The following DBH variants were observed in gnomAD, a reference collection of about 807,000 sequenced individuals.
DBH encodes dopamine beta-hydroxylase (dopamine beta-monooxygenase).
A neutral mutation model predicts 64.0 loss-of-function variants in DBH; 49 were observed. The observed-to-expected ratio is 0.77, with a 90% CI of 0.61 to 0.97. DBH has a LOEUF of 0.97. Ranked by LOEUF, DBH falls within the 50% of genes least tolerant of loss-of-function variation. The pLI, the probability that DBH is intolerant of heterozygous loss-of-function variation, is 0.00. For missense variants in DBH, 828 were observed against 826.6 expected (o/e 1.00, Z -0.02); for synonymous variants, 343 against 347.1 (o/e 0.99, Z 0.13).
intron 10 of DBH, 150 bp downstream of exon 10, chr9:133,656,800 T>C (rs1408902543): frequency 3.6e-6 from 4 of 1,124,458 alleles, no homozygotes; most frequent in Non-Finnish European, 5.1e-6. Context: ...CCCTCACTCG[T>C]TTCCTGCTGA....
intron 5 of DBH, among the ~76,000 whole-genome samples, chr9:133,646,826 C>T (rs1832187660): frequency 6.6e-6 from 1 of 152,162 alleles, no homozygotes; most frequent in Admixed American, 6.5e-5. Context: ...TGCCCGGCCC[C>T]CTGGACCTCT....
chr9:133,639,942 C>T lies in DBH; in HGVS notation c.436C>T (p.Leu146Phe). The T allele has an allele frequency of 6.2e-7, 1 of 1,613,890 alleles. No homozygotes were observed. Among genetic ancestry groups the T allele is most frequent in the Non-Finnish European group, 8.5e-7 (1 of 1,179,962 alleles). The change falls in exon 2 of 12, where the codon CTT (leucine) becomes TTT (phenylalanine). Residue 146 changes from leucine to phenylalanine, a missense_variant. Coordinates refer to ENST00000393056, the MANE Select transcript of DBH (RefSeq NM_000787.4). Reference protein sequence around the residue: ...VQRTPEGLTLLFKRPFGTCDP... With the variant: ...VQRTPEGLTLFFKRPFGTCDP... ...GAGGACCCCAGAAGGCCTGACCCTG[C>T]TTTTCAAGAGGCCCTTTGGCACCTG...
At chr9:133,651,032 T>A (rs1442856692) in intron 6 of DBH, among the ~76,000 whole-genome samples, 2 of 152,194 alleles carry the variant, frequency 1.3e-5, no homozygotes, top group Non-Finnish European at 2.9e-5. Context: ...GTCACATCCA[T>A]CTTGGTCCTG....
In DBH at chr9:133,643,409, A is replaced by T; in HGVS notation, c.745-4A>T. 6.2e-7 allele frequency: 1 copy of T among 1,613,562 alleles called. No individual in the cohort carries two copies. The highest frequency in any genetic ancestry group is 8.5e-7 in the Non-Finnish European group (1 of 1,179,942). On this transcript the variant is annotated splice_region_variant and splice_polypyrimidine_tract_variant and intron_variant, in intron 3 of 11. Coordinates refer to ENST00000393056, the MANE Select transcript of DBH (RefSeq NM_000787.4). The surrounding 1 kb of genome is among the most constrained non-coding windows in gnomAD (Gnocchi z 5.3). ...CCCGGGCTCAGAGGGCTGCCTCCTC[A>T]CAGTACGAGCCCATCGTCACCAAGG... is the stretch of plus-strand genomic sequence containing the variant.
chr9:133,637,326 T>C (rs1420813305), intron 1 of DBH, among the ~76,000 whole-genome samples: 1 of 152,238 alleles, frequency 6.6e-6, no homozygotes, highest in Admixed American at 6.5e-5. Flanking sequence ...CCTCCACTCT[T>C]GTTTCACAGG....
chr9:133,641,086 TCACA>T (rs921357886), intron 2 of DBH, among the ~76,000 whole-genome samples: 7 of 152,120 alleles, frequency 4.6e-5, no homozygotes, highest in Non-Finnish European at 7.4e-5. Flanking sequence ...AATATGATTC[TCACA>T]CAAGCGTGAA....
chr9:133,653,337 G>T (rs574539097), intron 9 of DBH, among the ~76,000 whole-genome samples: 1 of 152,304 alleles, frequency 6.6e-6, no homozygotes, highest in African/African-American at 2.4e-5. Context: ...GGCTGGTGTG[G>T]GGAGAAGCTG....
intron 5 of DBH, 149 bp from the exon 6 acceptor site, chr9:133,647,697 G>A: frequency 1.1e-6 from 1 of 907,772 alleles, no homozygotes; most frequent in Non-Finnish European, 1.7e-6. Flanking sequence ...GCCAGCTCTT[G>A]GTCTGCCTAG....
intron 6 of DBH, among the ~76,000 whole-genome samples, chr9:133,649,428 A>G (rs1310607217): frequency 6.6e-6 from 1 of 152,234 alleles, no homozygotes; most frequent in Admixed American, 6.5e-5. Flanking sequence ...GAAGATTCAA[A>G]TACCAGTCTG....
Position 133,651,793 on chromosome 9 carries a change from C to G in DBH, c.1335+16C>G. ...TCACTTCCAGGTAGGAACCTGCACC[C>G]CACCCCTGCCCCGCCCCCACACCCT... is the stretch of plus-strand genomic sequence containing the variant. On this transcript the variant is annotated intron_variant, in intron 7 of 11. Transcript: ENST00000393056. 1 of 1,548,084 alleles carries G rather than the reference C, an allele frequency of 6.5e-7. No homozygotes were observed. The highest frequency in any genetic ancestry group is 8.7e-7 in the Non-Finnish European group (1 of 1,146,496).
chr9:133,657,419 AGAGAGGAGAGAGAG>A (rs1270548846), intron 11 of DBH, 190 bp downstream of exon 11: 1 of 390,022 alleles, frequency 2.6e-6, no homozygotes, highest in African/African-American at 3.0e-5. Context: ...GAGAGAGGAG[AGAGAGGAGAGAGAG>A]GAGAGAGAGG....
At chr9:133,641,628 C>G (rs1832117327) in intron 2 of DBH, among the ~76,000 whole-genome samples, 1 of 152,254 alleles carries the variant, frequency 6.6e-6, no homozygotes, top group Non-Finnish European at 1.5e-5. Flanking sequence ...AGGAAGCCAG[C>G]CCCACAGCTT....
intron 9 of DBH, among the ~76,000 whole-genome samples, 167 bp downstream of exon 9, chr9:133,653,166 G>C: frequency 6.6e-6 from 1 of 152,184 alleles, no homozygotes; most frequent in East Asian, 1.9e-4. Context: ...TCACCAGGGA[G>C]CTTGGGATGA....
intron 11 of DBH, 90 bp from the exon 12 acceptor site, chr9:133,658,209 CTGAGTTTGAGGGCAAGA>C (rs1054399302): frequency 6.8e-7 from 1 of 1,475,362 alleles, no homozygotes; most frequent in African/African-American, 1.4e-5. Context: ...TTGAGACAAG[CTGAGTTTGAGGGCAAGA>C]ATCCAAGAGG....
At chr9:133,644,013 TC>T (rs1832149444) in intron 4 of DBH, among the ~76,000 whole-genome samples, 1 of 152,106 alleles carries the variant, frequency 6.6e-6, no homozygotes, top group Non-Finnish European at 1.5e-5. Flanking sequence ...CCAGCTCCTC[TC>T]CCCAACTCCC....
intron 8 of DBH, 91 bp from the exon 9 acceptor site, chr9:133,652,849 T>G: frequency 1.2e-6 from 1 of 868,240 alleles, no homozygotes; most frequent in Admixed American, 1.8e-5. Flanking sequence ...TGCCGTGGCA[T>G]GCACAGTGGC....
chr9:133,652,643 G>T (rs1289916869), intron 8 of DBH, among the ~76,000 whole-genome samples: 1 of 152,142 alleles, frequency 6.6e-6, no homozygotes, highest in South Asian at 2.1e-4. Context: ...CCTCGGTGGG[G>T]ACTTGCCCAA....
At chr9:133,639,696 G>A (rs1832093360) in intron 1 of DBH, 150 bp from the exon 2 acceptor site, 2 of 833,308 alleles carry the variant, frequency 2.4e-6, no homozygotes, top group Non-Finnish European at 3.9e-6. Context: ...ACAGCCCCAG[G>A]CAGAACCCTC....
Position 133,644,253 on chromosome 9 carries a change from C to T in DBH, c.957C>T (p.Phe319=), listed in dbSNP as rs368420701. Residue 319 remains phenylalanine (F), a synonymous_variant, in exon 5 of 12, where the codon TTC becomes TTT. Transcript: ENST00000393056. ...ACCCAGAGGAAGCCGGCCTTGCCTT[C>T]GGGGGTCCAGGGTCCTCCAGATATC... ...FYYPEEAGLA[F]GGPGSSRYLR... The T allele has an allele frequency of 5.0e-6, 8 of 1,614,072 alleles. No homozygotes were observed. Among genetic ancestry groups the T allele is most frequent in the Admixed American group, 3.3e-5 (2 of 60,018 alleles).
Sources: allele counts gnomAD v4.1 joint callset (sites outside exome capture counted in the v4.1 genomes callset), GRCh38; gene constraint gnomAD v4.1.1; non-coding constraint Gnocchi (gnomAD v3.1); transcripts MANE v1.5; gene names NCBI Gene and HGNC (gene_info 2026-07-23, HGNC 2026-07-21).